Variants in HARBI1 observed in about 807,000 individuals in gnomAD.
HARBI1 encodes the protein harbinger transposase derived 1.
Under a neutral mutation model 25.3 loss-of-function variants are expected in HARBI1, and 15 were observed. That is an observed-to-expected ratio of 0.59 (90% CI 0.40 to 0.91). HARBI1 has a LOEUF of 0.91. HARBI1 is among the 40% of genes least tolerant of loss of function. The pLI is 0.00. For missense variants in HARBI1, 396 were observed against 445.8 expected (o/e 0.89, Z 1.01); for synonymous variants, 168 against 160.5 (o/e 1.05, Z -0.35).
rs1161277735 is a variant in HARBI1 at position 46,616,025 on chromosome 11, T to G, written c.213A>C (p.Thr71=). 3.7e-6 allele frequency: 6 copies of G among 1,614,218 alleles called. No individual in the cohort carries two copies. The highest frequency in any genetic ancestry group is 1.3e-5 in the African/African-American group (1 of 75,070). The change falls in exon 2 of 3, where the codon ACA becomes ACC. Residue 71 remains threonine (T), a synonymous_variant. Transcript: ENST00000326737. The stretch of plus-strand genomic sequence containing the variant: ...AAAAACCCAATGCTGCAAGGACCTG[T>G]GTCTCTGGGCTAATAGCCCTGGATC... ...TQRSRAISPE[T]QVLAALGFYT...
chr11:46,613,982 T>C (rs1210181817), intron 2 of HARBI1, among the ~76,000 whole-genome samples: 1 of 152,134 alleles, frequency 6.6e-6, no homozygotes, highest in African/African-American at 2.4e-5. Context: ...GGATTGTTTT[T>C]ATAAGGTTGT....
rs1421583524 is a variant in HARBI1 at position 46,603,365 on chromosome 11, T to C, written c.*165A>G. 10 of 632,580 alleles carry C rather than the reference T, an allele frequency of 1.6e-5. No homozygotes were observed. The highest frequency in any genetic ancestry group is 5.8e-5 in the Admixed American group (2 of 34,320). The allele number at this position is 632,580 out of a possible 1,614,324, so 39.2% of individuals were successfully genotyped here. A position where few individuals can be genotyped will look rare whatever the true frequency, so the allele number is the denominator to read the frequency against. ...TAATGCATATGCAAATGAATCAAGA[T>C]ATTCTGGCATAGCCCCAACCTTACC... On this transcript the variant is annotated 3_prime_UTR_variant, in exon 3 of 3. Coordinates refer to ENST00000326737, the MANE Select transcript of HARBI1 (RefSeq NM_173811.4).
intron 2 of HARBI1, among the ~76,000 whole-genome samples, chr11:46,609,921 C>T (rs1035852939): frequency 2.6e-4 from 39 of 147,210 alleles, no homozygotes; most frequent in Non-Finnish European, 2.4e-4. Context: ...GGTGCAATCT[C>T]GGCTCACTGC....
At position 46,603,923 on chromosome 11, in the gene HARBI1, C is replaced by A; in HGVS notation, c.671-14G>T. The A allele has an allele frequency of 6.3e-7, 1 of 1,587,338 alleles. No individual in the cohort carries two copies. The highest frequency in any genetic ancestry group is 8.6e-7 in the Non-Finnish European group (1 of 1,167,152). Reference sequence around the variant, plus strand: ...AGGAACTGTCACCTGTGGGGAAGGCCCAAATAAATCATAAATGACTATAAG... The same window carrying A: ...AGGAACTGTCACCTGTGGGGAAGGCACAAATAAATCATAAATGACTATAAG... On this transcript the variant is annotated splice_polypyrimidine_tract_variant and intron_variant, in intron 2 of 2. Coordinates refer to ENST00000326737, the MANE Select transcript of HARBI1 (RefSeq NM_173811.4).
intron 2 of HARBI1, among the ~76,000 whole-genome samples, chr11:46,614,128 AAT>A (rs749880873): frequency 3.4e-4 from 51 of 148,468 alleles, no homozygotes; most frequent in Admixed American, 7.4e-4. Context: ...TACATTTATT[AAT>A]ATATATATAT....
intron 2 of HARBI1, among the ~76,000 whole-genome samples, chr11:46,609,340 G>A (rs893089838): frequency 2.0e-5 from 3 of 151,410 alleles, no homozygotes; most frequent in East Asian, 3.9e-4. Flanking sequence ...GATCACAGGC[G>A]TGAGCCACTT....
intron 2 of HARBI1, among the ~76,000 whole-genome samples, chr11:46,608,673 T>A (rs575692823): frequency 1.3e-5 from 2 of 151,786 alleles, no homozygotes; most frequent in South Asian, 2.1e-4. Context: ...TGGAGTACAG[T>A]CACAGAATCT....
At chr11:46,611,820 C>T (rs1467315371) in intron 2 of HARBI1, among the ~76,000 whole-genome samples, 1 of 151,900 alleles carries the variant, frequency 6.6e-6, no homozygotes, top group East Asian at 1.9e-4. Flanking sequence ...GAAACAATTG[C>T]AAAATCTACT....
At chr11:46,615,113 T>C (rs1331046116) in intron 2 of HARBI1, among the ~76,000 whole-genome samples, 1 of 152,050 alleles carries the variant, frequency 6.6e-6, no homozygotes, top group African/African-American at 2.4e-5. Flanking sequence ...GGTTTCTCCA[T>C]GTTGGTCAGG....
At chr11:46,615,067 T>C (rs1448565847) in intron 2 of HARBI1, among the ~76,000 whole-genome samples, 4 of 149,100 alleles carry the variant, frequency 2.7e-5, no homozygotes, top group Non-Finnish European at 4.5e-5. Flanking sequence ...CATGCGCTAC[T>C]ACGCCCGGCT....
chr11:46,603,163 A>T lies in HARBI1; in HGVS notation c.*367T>A. ...CCCGGCCGCTAATTTTTGTATTTTT[A>T]GTAGAGACGGGGTTTCACCATGTTG... On this transcript the variant is annotated 3_prime_UTR_variant, in exon 3 of 3. Coordinates refer to ENST00000326737, the MANE Select transcript of HARBI1 (RefSeq NM_173811.4). 2 of 158,162 alleles carry T rather than the reference A, an allele frequency of 1.3e-5. No individual in the cohort carries two copies. The highest frequency in any genetic ancestry group is 2.8e-5 in the Non-Finnish European group (2 of 72,330). 9.8% of individuals were successfully genotyped at this position (158,162 alleles called of 1,614,324 possible).
chr11:46,606,580 C>T (rs1367354946), intron 2 of HARBI1, among the ~76,000 whole-genome samples: 1 of 152,204 alleles, frequency 6.6e-6, no homozygotes, highest in Non-Finnish European at 1.5e-5. Flanking sequence ...TCCCAAAGTG[C>T]TGGGATTACA....
upstream of HARBI1, chr11:46,617,598 C>T (rs183754521): frequency 1.6e-4 from 36 of 227,598 alleles, no homozygotes; most frequent in East Asian, 2.8e-3. Context: ...GATGGCGGCG[C>T]CGGGAAGCGA....
chr11:46,617,825 G>C (rs2045771636), upstream of HARBI1: 3 of 399,168 alleles, frequency 7.5e-6, no homozygotes, highest in South Asian at 3.8e-4. Context: ...GGCGCGGCTG[G>C]TCGGTCCCAG....
chr11:46,613,972 G>A (rs2045282545), intron 2 of HARBI1, among the ~76,000 whole-genome samples: 1 of 151,972 alleles, frequency 6.6e-6, no homozygotes, highest in African/African-American at 2.4e-5. Context: ...CACCCAGACA[G>A]GATTGTTTTT....
chr11:46,609,184 A>G (rs1357260814), intron 2 of HARBI1, among the ~76,000 whole-genome samples: 1 of 151,964 alleles, frequency 6.6e-6, no homozygotes, highest in Non-Finnish European at 1.5e-5. Context: ...TTGGCCTCCA[A>G]AAGTGCTGGG....
In HARBI1 at chr11:46,616,473, T is replaced by C. The variant is rs1054001816; in HGVS notation, c.-144-92A>G. 1.2e-4 allele frequency: 159 copies of C among 1,346,072 alleles called. No individual in the cohort carries two copies. The African/African-American group carries it at 2.1e-3, about 18-fold the overall frequency. The allele number at this position is 1,346,072 out of a possible 1,614,324, so 83.4% of individuals were successfully genotyped here. ...GCAGCTCCTTTTCTACAAATTTCCA[T>C]TTTGTTGAGGCAAAACGTACTGTAC... On this transcript the variant is annotated intron_variant, in intron 1 of 2. Transcript: ENST00000326737.
chr11:46,611,415 T>C (rs916970455), intron 2 of HARBI1, among the ~76,000 whole-genome samples: 4 of 152,158 alleles, frequency 2.6e-5, no homozygotes, highest in African/African-American at 9.7e-5. Context: ...GCTGGCTTAA[T>C]AGTTAGGGAA....
chr11:46,616,320 G>C lies in HARBI1; in HGVS notation c.-83C>G. ...TGTTGGTGCAAGAACGTATTTTTAA[G>C]AAAGTATCAGAATCCAACAGCTAAC... On this transcript the variant is annotated 5_prime_UTR_variant, in exon 2 of 3. Coordinates refer to ENST00000326737, the MANE Select transcript of HARBI1 (RefSeq NM_173811.4). 1 of 1,512,804 alleles carries C rather than the reference G, an allele frequency of 6.6e-7. No individual in the cohort carries two copies. The highest frequency in any genetic ancestry group is 1.3e-5 in the South Asian group (1 of 75,602). The allele number at this position is 1,512,804 out of a possible 1,614,324, so 93.7% of individuals were successfully genotyped here. A position where few individuals can be genotyped will look rare whatever the true frequency, so the allele number is the denominator to read the frequency against.
Sources: gnomAD v4.1 joint callset for allele counts (sites outside exome capture counted in the v4.1 genomes callset) on GRCh38, gnomAD v4.1.1 for gene constraint, MANE v1.5 for transcripts, NCBI Gene and HGNC (gene_info 2026-07-23, HGNC 2026-07-21) for gene names.